The following PAN3 variants were observed in gnomAD, a reference collection of about 807,000 sequenced individuals.
PAN3 encodes the protein poly(A) specific ribonuclease subunit PAN3.
Under a neutral mutation model 96.2 loss-of-function variants are expected in PAN3, and 19 were observed. That is an observed-to-expected ratio of 0.20 (90% CI 0.14 to 0.29). The LOEUF (loss-of-function observed/expected upper bound fraction) is 0.29, where lower values mean the gene tolerates loss of function less well. PAN3 is among the 10% of genes least tolerant of loss of function. The pLI is 1.00. For synonymous variants in PAN3, 433 were observed against 406.6 expected, an observed-to-expected ratio of 1.06 and a Z score of -0.78; for missense variants, 882 against 1,108.1, an observed-to-expected ratio of 0.80 and a Z score of 2.90.
intron 1 of PAN3, among the ~76,000 whole-genome samples, chr13:28,144,661 A>G (rs1171566498): frequency 6.6e-6 from 1 of 150,910 alleles, no homozygotes; most frequent in Admixed American, 6.6e-5. Flanking sequence ...CTGAAAGTGC[A>G]TTTGAAATGA....
chr13:28,226,251 A>T (rs1202523289), intron 6 of PAN3, among the ~76,000 whole-genome samples: 1 of 152,186 alleles, frequency 6.6e-6, no homozygotes, highest in Non-Finnish European at 1.5e-5. Flanking sequence ...TTGTAACCAT[A>T]TTTATATGGT....
chr13:28,188,327 C>T (rs1876763905), intron 4 of PAN3, among the ~76,000 whole-genome samples: 2 of 152,096 alleles, frequency 1.3e-5, no homozygotes, highest in South Asian at 4.1e-4. Context: ...AGCATATCTG[C>T]AATTATAAGA....
chr13:28,257,637 A>G (rs1031962433), intron 7 of PAN3, among the ~76,000 whole-genome samples: 4 of 145,174 alleles, frequency 2.8e-5, no homozygotes, highest in African/African-American at 1.0e-4. Context: ...AACTATAAAT[A>G]TATTGTAAAA....
At chr13:28,235,126 C>T (rs1238162108) in intron 6 of PAN3, among the ~76,000 whole-genome samples, 1 of 152,106 alleles carries the variant, frequency 6.6e-6, no homozygotes, top group East Asian at 1.9e-4. Flanking sequence ...CTGACATTCC[C>T]CAAATAATGT....
rs374205372 is a variant in PAN3 at position 28,218,857 on chromosome 13, T to G, written c.853-1374T>G. Among the ~76,000 whole-genome samples, 9 of 152,312 alleles carry G rather than the reference T, an allele frequency of 5.9e-5. No individual in the cohort carries two copies. The East Asian group carries it at 1.7e-3, about 29-fold the overall frequency. ...GTAATTTTGCTGTCTCCTGGTAATC[T>G]TGCGTAATCCTGAAGTCCACGTCTC... On this transcript the variant is annotated intron_variant, in intron 5 of 18. Coordinates refer to ENST00000380958, the MANE Select transcript of PAN3 (RefSeq NM_175854.8).
Position 28,173,232 on chromosome 13 carries a change from C to G in PAN3, c.431-1040C>G, listed in dbSNP as rs148352347. On this transcript the variant is annotated intron_variant, in intron 1 of 18. Transcript: ENST00000380958. ...TGTGACTGCTGTCTCATTTTAATACCTCTCTGGGCCTGATATTAAAAGGGT... is the reference window on the plus strand; with the variant it reads ...TGTGACTGCTGTCTCATTTTAATACGTCTCTGGGCCTGATATTAAAAGGGT... Among the ~76,000 whole-genome samples, 1,023 of 152,178 alleles carry G rather than the reference C, an allele frequency of 6.7e-3. 7 individuals are homozygous for G. Among genetic ancestry groups the G allele is most frequent in the African/African-American group, 0.023 (958 of 41,524 alleles).
At chr13:28,281,427 T>C in intron 17 of PAN3, 48 bp downstream of exon 17, 1 of 1,478,044 alleles carries the variant, frequency 6.8e-7, no homozygotes, top group Non-Finnish European at 9.4e-7. Context: ...GAGAGCACTA[T>C]TTTGCATAAT....
intron 5 of PAN3, among the ~76,000 whole-genome samples, chr13:28,217,494 A>C (rs1336778676): frequency 6.6e-6 from 1 of 152,040 alleles, no homozygotes; most frequent in Non-Finnish European, 1.5e-5. Flanking sequence ...AGGCAGGACA[A>C]TCACTTGAAC....
Position 28,267,379 on chromosome 13 carries a change from C to G in PAN3, c.1770C>G (p.Ala590=). The change falls in exon 12 of 19, where the codon GCC becomes GCG. Residue 590 remains alanine, a synonymous_variant. Transcript: ENST00000380958. ...ACTTTAATGACCCTAATGCTGATGCCTACTTCACCAAGAGAAAGTGGGGTA... is the reference window on the plus strand; with the variant it reads ...ACTTTAATGACCCTAATGCTGATGCGTACTTCACCAAGAGAAAGTGGGGTA... The part of the protein sequence containing the change: ...SRHFNDPNAD[A]YFTKRKWGQH... The G allele has an allele frequency of 6.2e-7, 1 of 1,613,410 alleles. No individual in the cohort carries two copies. The highest frequency in any genetic ancestry group is 8.5e-7 in the Non-Finnish European group (1 of 1,179,528).
At chr13:28,286,575 G>T (rs1868999827) in intron 17 of PAN3, among the ~76,000 whole-genome samples, 1 of 152,132 alleles carries the variant, frequency 6.6e-6, no homozygotes, top group Non-Finnish European at 1.5e-5. Flanking sequence ...CACATCCCTT[G>T]TAGAATTAGG....
intron 9 of PAN3, among the ~76,000 whole-genome samples, chr13:28,266,417 C>T (rs910133412): frequency 3.9e-5 from 6 of 151,974 alleles, no homozygotes; most frequent in South Asian, 2.1e-4. Flanking sequence ...AGTGATAACT[C>T]AAATTATTTA....
At chr13:28,225,008 T>C (rs573020197) in intron 6 of PAN3, among the ~76,000 whole-genome samples, 1 of 152,296 alleles carries the variant, frequency 6.6e-6, no homozygotes, top group East Asian at 1.9e-4. Context: ...TATTAAATAA[T>C]TGTATTCATT....
At chr13:28,189,385 G>A (rs1424577334) in intron 4 of PAN3, among the ~76,000 whole-genome samples, 2 of 152,026 alleles carry the variant, frequency 1.3e-5, no homozygotes, top group Non-Finnish European at 2.9e-5. Flanking sequence ...ATGTGGTGGT[G>A]GGTGCCTGTA....
intron 1 of PAN3, among the ~76,000 whole-genome samples, chr13:28,158,075 T>G (rs112059738): frequency 6.6e-6 from 1 of 151,816 alleles, no homozygotes. Flanking sequence ...TTCCACGGAG[T>G]TGACAAAAAC....
At chr13:28,194,666 C>T (rs1354151817) in intron 4 of PAN3, among the ~76,000 whole-genome samples, 2 of 151,704 alleles carry the variant, frequency 1.3e-5, no homozygotes, top group African/African-American at 2.4e-5. Context: ...GATGGTGTTT[C>T]ACCTTGTTGC....
intron 6 of PAN3, among the ~76,000 whole-genome samples, chr13:28,221,345 A>AT (rs1394707077): frequency 1.4e-5 from 2 of 141,488 alleles, no homozygotes; most frequent in African/African-American, 3.1e-5. Context: ...GGTCTTGGAC[A>AT]TTAAAAAAAA....
intron 4 of PAN3, among the ~76,000 whole-genome samples, chr13:28,179,059 A>G (rs1875424886): frequency 6.6e-6 from 1 of 152,228 alleles, no homozygotes. Context: ...TGAGACATGG[A>G]TGAGAATAAG....
chr13:28,224,328 A>G (rs2138401433), intron 6 of PAN3, among the ~76,000 whole-genome samples: 1 of 152,336 alleles, frequency 6.6e-6, no homozygotes, highest in South Asian at 2.1e-4. Flanking sequence ...AGTGTGTTTG[A>G]AAGTGACTGT....
intron 5 of PAN3, among the ~76,000 whole-genome samples, chr13:28,202,679 A>AC (rs531927129): frequency 6.6e-6 from 1 of 151,632 alleles, no homozygotes; most frequent in African/African-American, 2.4e-5. Context: ...ACACACACAC[A>AC]ATTTGTTTAA....
Sources: gnomAD v4.1 joint callset for allele counts (sites outside exome capture counted in the v4.1 genomes callset) on GRCh38, gnomAD v4.1.1 for gene constraint, MANE v1.5 for transcripts, NCBI Gene and HGNC (gene_info 2026-07-23, HGNC 2026-07-21) for gene names.